Variants in LARP4 observed in about 807,000 individuals in gnomAD.
The protein encoded by LARP4 is la-related protein 4.
Under a neutral mutation model 92.9 loss-of-function variants are expected in LARP4, and 29 were observed. The observed-to-expected ratio is 0.31, with a 90% CI of 0.23 to 0.43. The LOEUF (loss-of-function observed/expected upper bound fraction) is 0.43. LARP4 is among the 20% of genes least tolerant of loss of function. LARP4 has a pLI of 1.00. For missense variants in LARP4, 732 were observed against 860.0 expected, an observed-to-expected ratio of 0.85 and a Z score of 1.86; for synonymous variants, 279 against 284.1, an observed-to-expected ratio of 0.98 and a Z score of 0.18.
intron 5 of LARP4, 111 bp downstream of exon 5, chr12:50,435,735 TTTG>T: frequency 1.3e-6 from 1 of 767,902 alleles, no homozygotes; most frequent in South Asian, 2.0e-5. Flanking sequence ...ACACCCTTAT[TTTG>T]TTGTTTTGTT....
In LARP4 at chr12:50,448,685, T is replaced by A. The variant is rs376077424; in HGVS notation, c.805-4775T>A. Among the ~76,000 whole-genome samples the A allele has an allele frequency of 3.4e-3, 523 of 151,900 alleles. 9 individuals are homozygous for A. In the South Asian group the frequency reaches 0.037, roughly 11 times the overall value. ...GATTACAGGCACCCACCACCACGCC[T>A]GGCTAATTTTTGTATTTTTAGTAGA... On this transcript the variant is annotated intron_variant, in intron 8 of 15. Coordinates refer to ENST00000398473, the MANE Select transcript of LARP4 (RefSeq NM_052879.5).
chr12:50,406,219 CA>C (rs1944805218), intron 1 of LARP4, among the ~76,000 whole-genome samples: 2 of 152,096 alleles, frequency 1.3e-5, no homozygotes, highest in Non-Finnish European at 2.9e-5. Context: ...CCTGTAATCT[CA>C]ACACTTTGGG....
At chr12:50,423,011 G>A (rs923260447) in intron 1 of LARP4, among the ~76,000 whole-genome samples, 1 of 151,644 alleles carries the variant, frequency 6.6e-6, no homozygotes, top group African/African-American at 2.4e-5. Context: ...GTAGCGACGG[G>A]GTTTCGTCAT....
Position 50,478,181 on chromosome 12 carries a change from C to T in LARP4, c.*2317C>T, listed in dbSNP as rs527843102. 2 of 152,342 alleles carry T rather than the reference C, an allele frequency of 1.3e-5. No homozygotes were observed. Among genetic ancestry groups the T allele is most frequent in the African/African-American group, 4.8e-5 (2 of 41,538 alleles). The allele number at this position is 152,342 out of a possible 1,614,324, so 9.4% of individuals were successfully genotyped here. On this transcript the variant is annotated 3_prime_UTR_variant, in exon 16 of 16. Transcript: ENST00000398473. ...AGCAAGTATATTTTTGCTTTTACTT[C>T]AAATGTTATTTAAAGTAGAAATTTA...
chr12:50,421,258 C>T lies in LARP4; in HGVS notation c.19-6504C>T, dbSNP rs112337489. ...GCCACCGTACCCAGCCGGCTTTTAA[C>T]GTACTGTAATATGCTCTGGTTTGAA... On this transcript the variant is annotated intron_variant, in intron 1 of 15. Coordinates refer to ENST00000398473, the MANE Select transcript of LARP4 (RefSeq NM_052879.5). 5.8e-5 allele frequency: 57 copies of T among 984,134 alleles called. No homozygotes were observed. The South Asian group carries it at 1.2e-3, about 21-fold the overall frequency. The allele number at this position is 984,134 out of a possible 1,614,324, so 61.0% of individuals were successfully genotyped here.
chr12:50,430,256 C>T (rs911093426), intron 3 of LARP4, among the ~76,000 whole-genome samples: 27 of 152,102 alleles, frequency 1.8e-4, no homozygotes, highest in Admixed American at 2.6e-4. Flanking sequence ...CCTAGCTACT[C>T]AAGAAGCTGT....
intron 6 of LARP4, among the ~76,000 whole-genome samples, chr12:50,439,168 C>A (rs1950850094): frequency 6.6e-6 from 1 of 152,064 alleles, no homozygotes. Flanking sequence ...CAAGCCTCTG[C>A]GCTCAAGCAA....
intron 13 of LARP4, among the ~76,000 whole-genome samples, chr12:50,470,679 C>T (rs145376952): frequency 2.0e-5 from 3 of 152,058 alleles, no homozygotes; most frequent in Non-Finnish European, 2.9e-5. Context: ...GGTGAGCCAC[C>T]GTGCCCGGCC....
At chr12:50,434,286 A>G (rs1950099661) in intron 4 of LARP4, among the ~76,000 whole-genome samples, 2 of 152,096 alleles carry the variant, frequency 1.3e-5, no homozygotes, top group Admixed American at 1.3e-4. Flanking sequence ...CAAGGTGTGA[A>G]TTTGATTTTA....
intron 5 of LARP4, 126 bp from the exon 6 acceptor site, chr12:50,437,608 CT>C: frequency 1.8e-6 from 1 of 557,104 alleles, no homozygotes; most frequent in Non-Finnish European, 3.2e-6. Context: ...AACTTAGTTT[CT>C]TTAGGATATT....
chr12:50,407,381 T>TG (rs1945050559), intron 1 of LARP4, among the ~76,000 whole-genome samples: 1 of 152,198 alleles, frequency 6.6e-6, no homozygotes, highest in South Asian at 2.1e-4. Context: ...CTTCTAAGTT[T>TG]TCATCTCAGC....
intron 1 of LARP4, among the ~76,000 whole-genome samples, chr12:50,403,730 G>C (rs1944293027): frequency 6.6e-6 from 1 of 152,108 alleles, no homozygotes; most frequent in Non-Finnish European, 1.5e-5. Context: ...TTACTTATGT[G>C]TATTTTTCTG....
At position 50,453,668 on chromosome 12, in the gene LARP4, C is replaced by T. The variant is rs1953683473; in HGVS notation, c.1013C>T (p.Pro338Leu). 7.7e-6 allele frequency: 12 copies of T among 1,568,534 alleles called. No homozygotes were observed. The highest frequency in any genetic ancestry group is 1.1e-5 in the Non-Finnish European group (12 of 1,141,812). Residue 338 changes from proline (P) to leucine (L), a missense_variant, in exon 9 of 16, where the codon CCA becomes CTA. Physicochemically the swap from Pro to Leu is moderately conservative, Grantham distance 98. Coordinates refer to ENST00000398473, the MANE Select transcript of LARP4 (RefSeq NM_052879.5). ...SPNPTPYFET[P>L]LAPFPNGSFV... ...AATCCTACACCTTACTTTGAAACAC[C>T]ACTGGTAAGTGAGATCCTTACAATA...
chr12:50,451,357 C>T (rs1432603719), intron 8 of LARP4, among the ~76,000 whole-genome samples: 2 of 152,134 alleles, frequency 1.3e-5, no homozygotes, highest in Non-Finnish European at 2.9e-5. Flanking sequence ...AGCATAATGT[C>T]TTCTAGGTTC....
chr12:50,447,602 G>C (rs1489625577), intron 8 of LARP4, among the ~76,000 whole-genome samples: 1 of 151,876 alleles, frequency 6.6e-6, no homozygotes, highest in African/African-American at 2.4e-5. Context: ...AAAGAGACAG[G>C]GTCTCACTTT....
At chr12:50,470,627 T>C (rs1956825679) in intron 13 of LARP4, among the ~76,000 whole-genome samples, 1 of 152,090 alleles carries the variant, frequency 6.6e-6, no homozygotes, top group Non-Finnish European at 1.5e-5. Flanking sequence ...AGAGATGGGG[T>C]TTCACCATGT....
intron 1 of LARP4, among the ~76,000 whole-genome samples, chr12:50,408,483 C>T (rs980868239): frequency 1.3e-5 from 2 of 152,034 alleles, no homozygotes; most frequent in African/African-American, 4.8e-5. Flanking sequence ...AGGCATGAGC[C>T]ACCGCACCCG....
intron 1 of LARP4, among the ~76,000 whole-genome samples, chr12:50,422,486 A>G (rs1947973609): frequency 6.6e-6 from 1 of 152,138 alleles, no homozygotes; most frequent in African/African-American, 2.4e-5. Context: ...AATTGGGGTA[A>G]ATCTTAAAAT....
chr12:50,402,225 G>A (rs1009348658), intron 1 of LARP4, among the ~76,000 whole-genome samples: 1 of 151,748 alleles, frequency 6.6e-6, no homozygotes, highest in Non-Finnish European at 1.5e-5. Flanking sequence ...AACTGATATT[G>A]TGTCGCCGAT....
Sources: gnomAD v4.1 joint callset for allele counts (sites outside exome capture counted in the v4.1 genomes callset) on GRCh38, gnomAD v4.1.1 for gene constraint, MANE v1.5 for transcripts, NCBI Gene and HGNC (gene_info 2026-07-23, HGNC 2026-07-21) for gene names.